GNG4: variants seen among roughly 807,000 people sequenced by gnomAD.
GNG4 encodes the protein guanine nucleotide-binding protein G(I)/G(S)/G(O) subunit gamma-4.
In GNG4, 4 loss-of-function variants were observed where a neutral mutation model predicts 5.8. The observed-to-expected ratio is 0.69, with a 90% CI of 0.34 to 1.57. GNG4 has a LOEUF of 1.57. Ranked by LOEUF, GNG4 falls within the 40% of genes most tolerant of loss-of-function variation. The probability of loss-of-function intolerance (pLI) is 0.06; values close to 1 mark genes in which losing one functional copy is unlikely to be tolerated. For missense variants in GNG4, 96 were observed against 95.1 expected, an observed-to-expected ratio of 1.01 and a Z score of -0.04; for synonymous variants, 29 against 32.9, an observed-to-expected ratio of 0.88 and a Z score of 0.41.
chr1:235,584,795 G>A (rs2102942756), intron 2 of GNG4, among the ~76,000 whole-genome samples: 1 of 152,328 alleles, frequency 6.6e-6, no homozygotes, highest in East Asian at 1.9e-4. Context: ...AAGTGACACT[G>A]GCTCCCAAAG....
chr1:235,632,383 G>A (rs1402337787), intron 1 of GNG4, among the ~76,000 whole-genome samples: 1 of 152,094 alleles, frequency 6.6e-6, no homozygotes, highest in Non-Finnish European at 1.5e-5. Context: ...CACTGCACCC[G>A]GCCAACATGT....
In GNG4 at chr1:235,599,476, C is replaced by G. The variant is rs1688204745; in HGVS notation, c.-122-3965G>C. 2.0e-5 allele frequency among the ~76,000 whole-genome samples: 3 copies of G among 152,056 alleles called. No individual in the cohort carries two copies. The South Asian group carries it at 6.2e-4, about 32-fold the overall frequency. ...GGATTACAGGCGCGAGCCAACACGCCTGGCTAATTTTTGCATTTTTAGTAG... is the reference window on the plus strand; with the variant it reads ...GGATTACAGGCGCGAGCCAACACGCGTGGCTAATTTTTGCATTTTTAGTAG... On this transcript the variant is annotated intron_variant, in intron 1 of 3. Transcript: ENST00000391854.
intron 3 of GNG4, among the ~76,000 whole-genome samples, chr1:235,575,964 T>C (rs1416356367): frequency 6.6e-6 from 1 of 152,124 alleles, no homozygotes; most frequent in Non-Finnish European, 1.5e-5. Context: ...TCAGACACTG[T>C]TTTCTCCAGT....
At chr1:235,558,536 T>C (rs955555905) in intron 3 of GNG4, among the ~76,000 whole-genome samples, 12 of 152,312 alleles carry the variant, frequency 7.9e-5, no homozygotes, top group Admixed American at 5.2e-4. Flanking sequence ...CTGAGTCTGC[T>C]CCTTCCGCTG....
intron 3 of GNG4, among the ~76,000 whole-genome samples, chr1:235,573,861 C>T (rs962604891): frequency 6.6e-6 from 1 of 152,006 alleles, no homozygotes; most frequent in Non-Finnish European, 1.5e-5. Context: ...TATTGTACAT[C>T]GGGGGAAAAT....
intron 1 of GNG4, among the ~76,000 whole-genome samples, chr1:235,618,940 G>A (rs1426546240): frequency 6.6e-6 from 1 of 150,946 alleles, no homozygotes; most frequent in East Asian, 2.0e-4. Flanking sequence ...ATAGGCGTGA[G>A]CCACTGCACG....
At chr1:235,552,367 G>T in intron 3 of GNG4, 130 bp from the exon 4 acceptor site, 1 of 761,996 alleles carries the variant, frequency 1.3e-6, no homozygotes, top group Admixed American at 2.4e-5. Context: ...CTACAACATG[G>T]TCATGCCCAG....
intron 3 of GNG4, among the ~76,000 whole-genome samples, chr1:235,569,087 A>T (rs1274988945): frequency 6.6e-6 from 1 of 152,108 alleles, no homozygotes; most frequent in African/African-American, 2.4e-5. Flanking sequence ...TTGGCTTCCC[A>T]AAGTGCTGGG....
At chr1:235,568,218 C>T (rs1352998803) in intron 3 of GNG4, among the ~76,000 whole-genome samples, 1 of 151,724 alleles carries the variant, frequency 6.6e-6, no homozygotes, top group African/African-American at 2.4e-5. Context: ...GATCCCCGCT[C>T]TAGTCATCAC....
At chr1:235,582,049 C>T (rs1012797441) in intron 3 of GNG4, among the ~76,000 whole-genome samples, 63 of 152,200 alleles carry the variant, frequency 4.1e-4, no homozygotes, top group African/African-American at 1.5e-3. Context: ...TCTAACGTCT[C>T]TCTCCCTAGT....
chr1:235,597,211 G>C (rs952686664), intron 1 of GNG4, among the ~76,000 whole-genome samples: 1 of 152,200 alleles, frequency 6.6e-6, no homozygotes, highest in Non-Finnish European at 1.5e-5. Flanking sequence ...ATCCATCTCC[G>C]AGGCATCCTA....
chr1:235,564,146 C>T (rs1687134446), intron 3 of GNG4, among the ~76,000 whole-genome samples: 1 of 152,114 alleles, frequency 6.6e-6, no homozygotes, highest in Admixed American at 6.6e-5. Flanking sequence ...GGCCATTATC[C>T]TAATTGAATT....
rs192880870 is a variant in GNG4 at position 235,559,539 on chromosome 1, C to T, written c.100-7302G>A. 5.3e-5 allele frequency among the ~76,000 whole-genome samples: 8 copies of T among 152,222 alleles called. No homozygotes were observed. The East Asian group carries it at 1.4e-3, about 26-fold the overall frequency. ...TTTCAGAGGATCCCAGTAACTACTT[C>T]GTACTATTCCTGGTCAGTGTGGGCA... On this transcript the variant is annotated intron_variant, in intron 3 of 3. Transcript: ENST00000391854.
At chr1:235,567,742 G>A (rs1310049079) in intron 3 of GNG4, among the ~76,000 whole-genome samples, 1 of 152,092 alleles carries the variant, frequency 6.6e-6, no homozygotes, top group Non-Finnish European at 1.5e-5. Context: ...TCTATGCCTT[G>A]GCTATTGTGA....
At chr1:235,620,147 T>A (rs1025362310) in intron 1 of GNG4, among the ~76,000 whole-genome samples, 3 of 152,212 alleles carry the variant, frequency 2.0e-5, no homozygotes, top group African/African-American at 4.8e-5. Flanking sequence ...GTGGATCACC[T>A]GAGGTCGGGA....
In GNG4 at chr1:235,599,320, GTTT is replaced by G. The variant is rs10538491; in HGVS notation, c.-122-3812_-122-3810del. On this transcript the variant is annotated intron_variant, in intron 1 of 3. Coordinates refer to ENST00000391854, the MANE Select transcript of GNG4 (RefSeq NM_001098722.2). ...GTTGTCGTTGTTTGTTTTTTGGTTT[GTTT>G]TTTTTTTTTTTGAGACAGAGTCTCG... is the stretch of plus-strand genomic sequence containing the variant. Among the ~76,000 whole-genome samples, 860 of 140,118 alleles carry G rather than the reference GTTT, an allele frequency of 6.1e-3. 6 individuals carry two copies. Among genetic ancestry groups the G allele is most frequent in the African/African-American group, 0.021 (785 of 37,006 alleles). 91.9% of individuals were successfully genotyped at this position (140,118 alleles called of 152,430 possible).
chr1:235,582,362 C>T (rs1008192423), intron 3 of GNG4, among the ~76,000 whole-genome samples: 8 of 152,220 alleles, frequency 5.3e-5, no homozygotes, highest in Non-Finnish European at 8.8e-5. Context: ...CTGCTCCACA[C>T]GAGCCGTGAT....
At chr1:235,572,589 C>G (rs2841883) in intron 3 of GNG4, among the ~76,000 whole-genome samples, 2 of 150,164 alleles carry the variant, frequency 1.3e-5, no homozygotes, top group Non-Finnish European at 3.0e-5. Flanking sequence ...GCAACCTCTG[C>G]CTCCTGGGTT....
chr1:235,633,644 T>G (rs930842038), intron 1 of GNG4, among the ~76,000 whole-genome samples: 4 of 152,196 alleles, frequency 2.6e-5, no homozygotes, highest in African/African-American at 9.7e-5. Context: ...CATGCCACTG[T>G]GCCCAGCTAA....
Sources: allele counts gnomAD v4.1 joint callset (sites outside exome capture counted in the v4.1 genomes callset), GRCh38; gene constraint gnomAD v4.1.1; transcripts MANE v1.5; gene names NCBI Gene and HGNC (gene_info 2026-07-23, HGNC 2026-07-21).